SGMS1: variants seen among roughly 807,000 people sequenced by gnomAD.
The protein encoded by SGMS1 is sphingomyelin synthase 1.
In SGMS1, 13 loss-of-function variants were observed where a neutral mutation model predicts 46.2. That is an observed-to-expected ratio of 0.28 (90% CI 0.18 to 0.45). SGMS1 has a LOEUF of 0.45. SGMS1 is among the 20% of genes least tolerant of loss of function. The pLI, the probability that SGMS1 is intolerant of heterozygous loss-of-function variation, is 1.00. For missense variants in SGMS1, 324 were observed against 519.9 expected, an observed-to-expected ratio of 0.62 and a Z score of 3.66; for synonymous variants, 203 against 187.8, an observed-to-expected ratio of 1.08 and a Z score of -0.66.
chr10:50,381,730 G>C (rs1316759467), intron 6 of SGMS1, among the ~76,000 whole-genome samples: 1 of 152,234 alleles, frequency 6.6e-6, no homozygotes, highest in African/African-American at 2.4e-5. Context: ...AGAATCTAGA[G>C]AAGTTGCCCA....
intron 8 of SGMS1, among the ~76,000 whole-genome samples, chr10:50,320,670 G>A (rs1313661070): frequency 6.6e-6 from 1 of 152,104 alleles, no homozygotes; most frequent in Non-Finnish European, 1.5e-5. Flanking sequence ...CTGGCCACTT[G>A]CTCCATAAGA....
At chr10:50,562,969 C>G (rs986557520) in intron 2 of SGMS1, among the ~76,000 whole-genome samples, 2 of 152,162 alleles carry the variant, frequency 1.3e-5, no homozygotes, top group Non-Finnish European at 2.9e-5. Flanking sequence ...CTGTTTTGGT[C>G]CTTACTAGGT....
chr10:50,346,458 T>C (rs530395952), intron 6 of SGMS1, among the ~76,000 whole-genome samples: 16 of 152,282 alleles, frequency 1.1e-4, no homozygotes, highest in East Asian at 7.7e-4. Context: ...TCCCTGAGTA[T>C]GTTTTTGTGA....
chr10:50,623,131 G>C (rs373195205), intron 1 of SGMS1, among the ~76,000 whole-genome samples: 9 of 152,026 alleles, frequency 5.9e-5, no homozygotes, highest in Non-Finnish European at 1.2e-4. Flanking sequence ...GGGGAGGGGG[G>C]GTCCCACCTG....
intron 1 of SGMS1, among the ~76,000 whole-genome samples, chr10:50,592,217 T>C (rs1479768646): frequency 6.6e-6 from 1 of 152,150 alleles, no homozygotes; most frequent in East Asian, 1.9e-4. Flanking sequence ...TGACATAGCT[T>C]CCAGAAACAT....
intron 2 of SGMS1, among the ~76,000 whole-genome samples, chr10:50,588,793 G>A (rs1441850675): frequency 2.8e-5 from 4 of 140,812 alleles, no homozygotes; most frequent in Non-Finnish European, 6.0e-5. Flanking sequence ...GCAGAGGCGT[G>A]ATCTCGGCTC....
At chr10:50,513,383 T>C (rs1274723796) in intron 3 of SGMS1, among the ~76,000 whole-genome samples, 1 of 152,162 alleles carries the variant, frequency 6.6e-6, no homozygotes, top group Non-Finnish European at 1.5e-5. Context: ...GGACCAGTTG[T>C]AGCTCCCAAA....
intron 6 of SGMS1, among the ~76,000 whole-genome samples, chr10:50,416,627 T>C (rs1206118835): frequency 6.6e-6 from 1 of 152,174 alleles, no homozygotes; most frequent in East Asian, 1.9e-4. Flanking sequence ...CAAGTTTACA[T>C]GCTATTTCTC....
chr10:50,488,537 T>A (rs930144816), intron 3 of SGMS1, among the ~76,000 whole-genome samples: 1 of 152,318 alleles, frequency 6.6e-6, no homozygotes, highest in South Asian at 2.1e-4. Flanking sequence ...CTCTCTTTCA[T>A]AAAAGTCAAA....
intron 6 of SGMS1, among the ~76,000 whole-genome samples, chr10:50,356,506 T>C (rs1848150767): frequency 6.6e-6 from 1 of 152,040 alleles, no homozygotes; most frequent in Non-Finnish European, 1.5e-5. Context: ...CCTCCACTAT[T>C]GTCCTATGAC....
At chr10:50,561,020 T>G (rs770197735) in intron 2 of SGMS1, among the ~76,000 whole-genome samples, 2 of 152,226 alleles carry the variant, frequency 1.3e-5, no homozygotes, top group Non-Finnish European at 2.9e-5. Context: ...CAGAGCCTCA[T>G]AAATATTAGT....
chr10:50,323,553 T>G (rs745998136), intron 8 of SGMS1, among the ~76,000 whole-genome samples: 6 of 152,234 alleles, frequency 3.9e-5, no homozygotes, highest in Non-Finnish European at 7.3e-5. Flanking sequence ...ATCCAGAATA[T>G]GATGATTCAC....
chr10:50,522,416 C>T (rs1444451783), intron 2 of SGMS1, among the ~76,000 whole-genome samples: 3 of 152,080 alleles, frequency 2.0e-5, no homozygotes, highest in African/African-American at 7.2e-5. Flanking sequence ...GGTTCCTTTC[C>T]AAGGAGAATG....
At chr10:50,315,775 C>A (rs1847328750) in intron 8 of SGMS1, among the ~76,000 whole-genome samples, 1 of 152,166 alleles carries the variant, frequency 6.6e-6, no homozygotes, top group African/African-American at 2.4e-5. Flanking sequence ...AAAGCTGTGA[C>A]AAGAAAGTCT....
At chr10:50,373,699 G>A (rs572917270) in intron 6 of SGMS1, among the ~76,000 whole-genome samples, 2 of 152,256 alleles carry the variant, frequency 1.3e-5, no homozygotes, top group South Asian at 2.1e-4. Context: ...GACTAAGAGC[G>A]GCAATTATGT....
At chr10:50,462,208 G>A (rs1194449175) in intron 4 of SGMS1, among the ~76,000 whole-genome samples, 1 of 152,114 alleles carries the variant, frequency 6.6e-6, no homozygotes, top group Non-Finnish European at 1.5e-5. Context: ...GCTGCAGTGA[G>A]CTGATTGTGT....
intron 1 of SGMS1, among the ~76,000 whole-genome samples, chr10:50,610,804 T>C (rs1204347459): frequency 1.3e-5 from 2 of 152,192 alleles, no homozygotes; most frequent in Non-Finnish European, 2.9e-5. Flanking sequence ...GTCTGACCCT[T>C]ACCAAGAAAA....
intron 2 of SGMS1, among the ~76,000 whole-genome samples, chr10:50,580,892 A>G (rs188131021): frequency 6.6e-6 from 1 of 152,226 alleles, no homozygotes; most frequent in Non-Finnish European, 1.5e-5. Context: ...ACTTAAAAAC[A>G]GTAAAGAAGG....
chr10:50,591,139 C>T (rs1177051657), intron 1 of SGMS1, among the ~76,000 whole-genome samples: 2 of 152,202 alleles, frequency 1.3e-5, no homozygotes. Flanking sequence ...ACGATACCTT[C>T]TGTTTTGGCA....
Sources: allele counts gnomAD v4.1 joint callset (sites outside exome capture counted in the v4.1 genomes callset), GRCh38; gene constraint gnomAD v4.1.1; transcripts MANE v1.5; gene names NCBI Gene and HGNC (gene_info 2026-07-23, HGNC 2026-07-21).